The following GRID2 variants were observed in gnomAD, a reference collection of about 807,000 sequenced individuals.
GRID2 encodes the protein glutamate ionotropic receptor delta type subunit 2.
A neutral mutation model predicts 114.8 loss-of-function variants in GRID2; 33 were observed. That is an observed-to-expected ratio of 0.29 (90% confidence interval 0.22 to 0.38). GRID2 has a LOEUF of 0.38. Ranked by LOEUF, GRID2 falls within the 10% of genes least tolerant of loss-of-function variation. The pLI is 1.00. For synonymous variants in GRID2, 505 were observed against 449.9 expected (o/e 1.12, Z -1.55); for missense variants, 1,184 against 1,257.7 (o/e 0.94, Z 0.89).
At chr4:93,062,423 C>T (rs1460604428) in intron 2 of GRID2, among the ~76,000 whole-genome samples, 1 of 152,014 alleles carries the variant, frequency 6.6e-6, no homozygotes, top group Non-Finnish European at 1.5e-5. Context: ...ATCATATTTG[C>T]TTATCTCTTA....
At chr4:93,218,865 G>A (rs552058167) in intron 6 of GRID2, among the ~76,000 whole-genome samples, 1 of 152,118 alleles carries the variant, frequency 6.6e-6, no homozygotes, top group Admixed American at 6.6e-5. Flanking sequence ...ATCGCAGCAG[G>A]TAAGACAAGT....
At chr4:92,999,416 C>G (rs1318654607) in intron 2 of GRID2, among the ~76,000 whole-genome samples, 1 of 151,690 alleles carries the variant, frequency 6.6e-6, no homozygotes, top group Non-Finnish European at 1.5e-5. Context: ...CCTGTTAGTC[C>G]TTGGCAAACT....
chr4:93,211,240 C>T (rs777925904), intron 5 of GRID2, among the ~76,000 whole-genome samples: 22 of 151,820 alleles, frequency 1.4e-4, no homozygotes, highest in Non-Finnish European at 2.6e-4. Context: ...TCAATTTGTA[C>T]TTTGGAAGAA....
intron 2 of GRID2, among the ~76,000 whole-genome samples, chr4:92,849,455 T>A (rs1380614509): frequency 6.6e-6 from 1 of 151,888 alleles, no homozygotes; most frequent in African/African-American, 2.4e-5. Context: ...AAGAAGCAGT[T>A]GTCAAAGGCA....
chr4:93,687,895 A>G (rs975116026), intron 14 of GRID2, among the ~76,000 whole-genome samples: 8 of 152,024 alleles, frequency 5.3e-5, no homozygotes, highest in Non-Finnish European at 8.8e-5. Context: ...GAAATGATCT[A>G]GTAGAGAGGC....
intron 1 of GRID2, among the ~76,000 whole-genome samples, chr4:92,313,604 AGCGGATG>A (rs1725822011): frequency 6.6e-6 from 1 of 151,928 alleles, no homozygotes; most frequent in Non-Finnish European, 1.5e-5. Flanking sequence ...CAAGGAGAGC[AGCGGATG>A]CAGGAAAAGA....
At chr4:93,488,377 A>G (rs1726619721) in intron 11 of GRID2, among the ~76,000 whole-genome samples, 1 of 151,992 alleles carries the variant, frequency 6.6e-6, no homozygotes, top group African/African-American at 2.4e-5. Context: ...TGTTCTGAAT[A>G]TAATACATCA....
chr4:92,321,039 TTACA>T (rs1404071120), intron 1 of GRID2, among the ~76,000 whole-genome samples: 3 of 152,190 alleles, frequency 2.0e-5, no homozygotes, highest in Non-Finnish European at 2.9e-5. Flanking sequence ...TATAATTCTC[TTACA>T]TAAATTAATA....
chr4:93,710,301 G>A (rs1728376308), intron 14 of GRID2, among the ~76,000 whole-genome samples: 1 of 152,220 alleles, frequency 6.6e-6, no homozygotes. Context: ...GGCACCCCAA[G>A]CCCAGTAATG....
chr4:93,169,801 A>G lies in GRID2; in HGVS notation c.736-37603A>G, dbSNP rs192664138. Among the ~76,000 whole-genome samples the G allele has an allele frequency of 7.9e-5, 12 of 152,326 alleles. No individual in the cohort carries two copies. In the South Asian group the frequency reaches 2.3e-3, roughly 29 times the overall value. On this transcript the variant is annotated intron_variant, in intron 4 of 15. Coordinates refer to ENST00000282020, the MANE Select transcript of GRID2 (RefSeq NM_001510.4). ...GAATGGATTCAATTATCCTACATCT[A>G]GAGGCAAATTTCACCTAAATGTAAT...
chr4:93,735,809 A>G (rs1730877108), intron 14 of GRID2, among the ~76,000 whole-genome samples: 1 of 152,036 alleles, frequency 6.6e-6, no homozygotes, highest in Non-Finnish European at 1.5e-5. Flanking sequence ...TTGTTTTCTC[A>G]GGTAAGTATT....
intron 10 of GRID2, among the ~76,000 whole-genome samples, chr4:93,444,966 C>A (rs60524906): frequency 0.073 from 11,148 of 152,010 alleles, 998 homozygotes; most frequent in African/African-American, 0.21. Flanking sequence ...AGTAATACAG[C>A]TCCTGAATCA....
chr4:93,787,912 C>T (rs1578795496), intron 1 of GRID2, among the ~76,000 whole-genome samples: 1 of 152,062 alleles, frequency 6.6e-6, no homozygotes, highest in Admixed American at 6.6e-5. Context: ...CGAATAGACT[C>T]AGGGAAAATA....
chr4:92,597,815 C>A (rs571796159), intron 2 of GRID2, among the ~76,000 whole-genome samples: 1 of 152,136 alleles, frequency 6.6e-6, no homozygotes, highest in Non-Finnish European at 1.5e-5. Context: ...TGATTAAAAA[C>A]CACATTTACC....
chr4:93,646,438 G>T (rs1722120708), intron 14 of GRID2, among the ~76,000 whole-genome samples: 1 of 152,084 alleles, frequency 6.6e-6, no homozygotes. Flanking sequence ...TCAAAGAGAG[G>T]GAACAAACAA....
chr4:92,334,382 A>G (rs1366692540), intron 1 of GRID2, among the ~76,000 whole-genome samples: 1 of 152,034 alleles, frequency 6.6e-6, no homozygotes, highest in East Asian at 1.9e-4. Flanking sequence ...GCCTCTATCC[A>G]TTATCTAGTT....
At chr4:93,806,784 A>C (rs1390001891) in exon 2 of GRID2, 1 of 152,232 alleles carries the variant, frequency 6.6e-6, no homozygotes, top group Non-Finnish European at 1.5e-5. Flanking sequence ...GCCATGTTTG[A>C]AACTTGGCAG....
At chr4:93,187,558 G>C (rs996841541) in intron 4 of GRID2, among the ~76,000 whole-genome samples, 1 of 152,090 alleles carries the variant, frequency 6.6e-6, no homozygotes, top group East Asian at 1.9e-4. Flanking sequence ...CATTATAAAC[G>C]TGAACCACCG....
chr4:92,557,441 A>C (rs1726904011), intron 1 of GRID2, among the ~76,000 whole-genome samples: 1 of 151,428 alleles, frequency 6.6e-6, no homozygotes, highest in South Asian at 2.1e-4. Flanking sequence ...TTATGCATGG[A>C]TCTACAAATA....
Sources: allele counts gnomAD v4.1 joint callset (sites outside exome capture counted in the v4.1 genomes callset), GRCh38; gene constraint gnomAD v4.1.1; transcripts MANE v1.5; gene names NCBI Gene and HGNC (gene_info 2026-07-23, HGNC 2026-07-21).